Variants in BNC2 observed in about 807,000 individuals in gnomAD.
BNC2 encodes zinc finger protein basonuclin-2.
In BNC2, 20 loss-of-function variants were observed where a neutral mutation model predicts 76.3. That is an observed-to-expected ratio of 0.26 (90% CI 0.18 to 0.38). The LOEUF (loss-of-function observed/expected upper bound fraction) is 0.38. Ranked by LOEUF, BNC2 falls within the 10% of genes least tolerant of loss-of-function variation. BNC2 has a pLI of 1.00. For synonymous variants in BNC2, 582 were observed against 514.8 expected (o/e 1.13, Z -1.77); for missense variants, 1,382 against 1,399.8 (o/e 0.99, Z 0.20).
intron 3 of BNC2, among the ~76,000 whole-genome samples, chr9:16,589,497 T>TTTTG (rs71325976): frequency 0.02 from 2,937 of 149,052 alleles, 90 homozygotes; most frequent in South Asian, 0.14. Flanking sequence ...AAAAGCCATT[T>TTTTG]TTTGTTTGTT....
chr9:16,837,288 C>T (rs1252015278), intron 1 of BNC2, among the ~76,000 whole-genome samples: 1 of 152,102 alleles, frequency 6.6e-6, no homozygotes, highest in African/African-American at 2.4e-5. Flanking sequence ...GGTGGATCAC[C>T]AGGTCAGGCA....
intron 3 of BNC2, among the ~76,000 whole-genome samples, chr9:16,706,447 T>A (rs1179452540): frequency 6.6e-6 from 1 of 152,222 alleles, no homozygotes; most frequent in Non-Finnish European, 1.5e-5. Context: ...GCAGAAGGTG[T>A]TCCAGCTTTA....
intron 3 of BNC2, among the ~76,000 whole-genome samples, chr9:16,634,567 TCTCTGCTCACTGCAAG>T (rs1821261848): frequency 6.8e-6 from 1 of 147,740 alleles, no homozygotes; most frequent in Non-Finnish European, 1.5e-5. Flanking sequence ...AGTGGCGCAA[TCTCTGCTCACTGCAAG>T]CTCTGCCTCC....
chr9:16,436,938 T>A lies in BNC2; in HGVS notation c.1256A>T (p.His419Leu). The A allele has an allele frequency of 6.2e-7, 1 of 1,614,106 alleles. No homozygotes were observed. Among genetic ancestry groups the A allele is most frequent in the Non-Finnish European group, 8.5e-7 (1 of 1,180,028 alleles). Reference sequence around the variant, plus strand: ...ATGAATCCGGAATGAGCTTTTTGGGTGTTCAGTTTTGGTTAGATCACTGAC... The same window carrying A: ...ATGAATCCGGAATGAGCTTTTTGGGAGTTCAGTTTTGGTTAGATCACTGAC... ...APVSDLTKTE[H>L]PKSSFRIHRM... The change falls in exon 6 of 7, where the codon CAC (histidine) becomes CTC (leucine). Residue 419 changes from histidine (H) to leucine (L), a missense_variant. By Grantham distance (99) the His-to-Leu change is moderately conservative (BLOSUM62 -3). Transcript: ENST00000380672.
rs989172680 is a variant in BNC2, at chr9:16,421,141, A to G, written c.2640-1492T>C. 1.8e-5 allele frequency: 8 copies of G among 440,448 alleles called. No individual in the cohort carries two copies. In the South Asian group the frequency reaches 3.0e-4, roughly 16 times the overall value. 27.3% of individuals were successfully genotyped at this position (440,448 alleles called of 1,614,324 possible). On this transcript the variant is annotated intron_variant, in intron 6 of 6. Transcript: ENST00000380672. ...GATGGTTGAGAGGTATGTGCCTCAGAGACAAGAAAGGTGGGGAAGACTTCT... is the reference window on the plus strand; with the variant it reads ...GATGGTTGAGAGGTATGTGCCTCAGGGACAAGAAAGGTGGGGAAGACTTCT...
intron 1 of BNC2, among the ~76,000 whole-genome samples, chr9:16,854,816 G>GA (rs61595625): frequency 3.9e-3 from 588 of 151,744 alleles, no homozygotes; most frequent in African/African-American, 0.013. Flanking sequence ...AATGGTAGCA[G>GA]AAAAAAAGCA....
chr9:16,841,379 A>G (rs140689192), intron 1 of BNC2, among the ~76,000 whole-genome samples: 183 of 152,320 alleles, frequency 1.2e-3, no homozygotes, highest in African/African-American at 4.3e-3. Flanking sequence ...TTCTATACCT[A>G]CACTGCCTAT....
chr9:16,457,131 C>T (rs1293469418), intron 5 of BNC2, among the ~76,000 whole-genome samples: 2 of 152,242 alleles, frequency 1.3e-5, no homozygotes, highest in East Asian at 1.9e-4. Context: ...GAAGTGCCTA[C>T]CTGATTACAT....
chr9:16,845,940 G>T (rs1350535488), intron 1 of BNC2, among the ~76,000 whole-genome samples: 1 of 151,894 alleles, frequency 6.6e-6, no homozygotes, highest in Non-Finnish European at 1.5e-5. Context: ...AGGAGGTCAG[G>T]AGATTGAGAC....
At chr9:16,592,926 A>C (rs1819972959) in intron 3 of BNC2, among the ~76,000 whole-genome samples, 2 of 152,272 alleles carry the variant, frequency 1.3e-5, no homozygotes, top group South Asian at 4.1e-4. Flanking sequence ...TTAAAACCTA[A>C]TATATCCATT....
intron 5 of BNC2, among the ~76,000 whole-genome samples, chr9:16,458,617 T>G (rs1215461140): frequency 1.3e-5 from 2 of 152,202 alleles, no homozygotes; most frequent in Non-Finnish European, 2.9e-5. Flanking sequence ...CAACTACATG[T>G]AGAAGTGTAC....
chr9:16,653,798 T>C (rs1821854970), intron 3 of BNC2, among the ~76,000 whole-genome samples: 1 of 152,168 alleles, frequency 6.6e-6, no homozygotes, highest in South Asian at 2.1e-4. Context: ...ACTACGGCTG[T>C]GCCCTCAGTG....
chr9:16,582,366 G>A (rs996594852), intron 4 of BNC2, among the ~76,000 whole-genome samples: 7 of 151,968 alleles, frequency 4.6e-5, no homozygotes, highest in Middle Eastern at 3.4e-3. Flanking sequence ...CATATCCTTC[G>A]CGTGGGGTCT....
At chr9:16,555,796 CA>C (rs1196337242) in intron 4 of BNC2, among the ~76,000 whole-genome samples, 2 of 146,872 alleles carry the variant, frequency 1.4e-5, no homozygotes, top group African/African-American at 2.5e-5. Flanking sequence ...GACCCTGTCT[CA>C]AAAAAAAAGA....
chr9:16,629,739 T>C (rs955466236), intron 3 of BNC2, among the ~76,000 whole-genome samples: 1 of 152,160 alleles, frequency 6.6e-6, no homozygotes, highest in African/African-American at 2.4e-5. Context: ...AATAGCATTA[T>C]GTCTAAAAAA....
chr9:16,555,379 G>T (rs1290613397), intron 4 of BNC2, among the ~76,000 whole-genome samples: 1 of 152,086 alleles, frequency 6.6e-6, no homozygotes. Context: ...CAGAAGAAAA[G>T]AGAATTAAAA....
At chr9:16,862,134 T>C (rs961408044) in intron 1 of BNC2, among the ~76,000 whole-genome samples, 1 of 152,154 alleles carries the variant, frequency 6.6e-6, no homozygotes, top group Non-Finnish European at 1.5e-5. Flanking sequence ...TATAAGTAGA[T>C]AGGCCATACT....
intron 3 of BNC2, among the ~76,000 whole-genome samples, chr9:16,612,749 T>C (rs1296974707): frequency 6.6e-6 from 1 of 152,068 alleles, no homozygotes; most frequent in Non-Finnish European, 1.5e-5. Context: ...TGCTTTAGGG[T>C]TCAGGGGAGA....
intron 5 of BNC2, among the ~76,000 whole-genome samples, chr9:16,525,077 G>GC (rs141245559): frequency 2.6e-5 from 2 of 77,128 alleles, no homozygotes; most frequent in Non-Finnish European, 6.6e-5. Context: ...GAGTGGGGGA[G>GC]GGGGGGGGAA....
Sources: gnomAD v4.1 joint callset for allele counts (sites outside exome capture counted in the v4.1 genomes callset) on GRCh38, gnomAD v4.1.1 for gene constraint, MANE v1.5 for transcripts, NCBI Gene and HGNC (gene_info 2026-07-23, HGNC 2026-07-21) for gene names.